Variants in CD69 observed in about 807,000 individuals in gnomAD.
CD69 encodes the protein CD69 molecule, also known as early activation antigen CD69.
Under a neutral mutation model 21.4 loss-of-function variants are expected in CD69, and 10 were observed. The observed-to-expected ratio is 0.47, with a 90% CI of 0.29 to 0.79. CD69 has a LOEUF of 0.79. Among genes scored for constraint, CD69 ranks in the 30% least tolerant of loss-of-function variants. CD69 has a pLI of 0.09. For synonymous variants in CD69, 63 were observed against 78.2 expected (o/e 0.81, Z 1.03); for missense variants, 204 against 236.9 (o/e 0.86, Z 0.91).
intron 3 of CD69, 156 bp downstream of exon 3, chr12:9,754,906 G>A: frequency 1.4e-6 from 1 of 710,208 alleles, no homozygotes. Context: ...TTGACCTCAG[G>A]CTGATCATAT....
chr12:9,756,636 G>C (rs1316724265), intron 1 of CD69, among the ~76,000 whole-genome samples: 4 of 152,086 alleles, frequency 2.6e-5, no homozygotes, highest in Non-Finnish European at 5.9e-5. Context: ...CAAGCATAAT[G>C]ATGAGATTAT....
intron 4 of CD69, 198 bp downstream of exon 4, chr12:9,754,389 A>G (rs757667099): frequency 1.1e-4 from 47 of 423,238 alleles, no homozygotes; most frequent in African/African-American, 1.8e-4. Context: ...TATTTTATGT[A>G]TTATAAGTGT....
intron 1 of CD69, among the ~76,000 whole-genome samples, chr12:9,760,472 T>A (rs1406747157): frequency 6.6e-6 from 1 of 152,150 alleles, no homozygotes; most frequent in Admixed American, 6.5e-5. Flanking sequence ...TTTAAAGATC[T>A]TCTGAAATTC....
In CD69 at chr12:9,760,763, G is replaced by T. The variant is rs1295809739; in HGVS notation, c.58C>A (p.Gln20Lys). 2 of 1,611,636 alleles carry T rather than the reference G, an allele frequency of 1.2e-6. No homozygotes were observed. The highest frequency in any genetic ancestry group is 1.7e-6 in the Non-Finnish European group (2 of 1,178,710). Residue 20 changes from glutamine (Q) to lysine (K), a missense_variant, in exon 1 of 5, where the codon CAA becomes AAA. Coordinates refer to ENST00000228434, the MANE Select transcript of CD69 (RefSeq NM_001781.2). Reference sequence around the variant, plus strand: ...GCAATCAGATCTGACTTACTTTCTTGTCCACTCTCCGGATGCAAAGAGCTG... The same window carrying T: ...GCAATCAGATCTGACTTACTTTCTTTTCCACTCTCCGGATGCAAAGAGCTG... ...ENSSLHPESG[Q>K]ENDATSPHFS...
At chr12:9,759,574 C>T (rs937755530) in intron 1 of CD69, among the ~76,000 whole-genome samples, 22 of 151,684 alleles carry the variant, frequency 1.5e-4, no homozygotes, top group Non-Finnish European at 3.2e-4. Context: ...AATTTGCATG[C>T]TTTGCATTTG....
intron 1 of CD69, among the ~76,000 whole-genome samples, chr12:9,760,491 G>A (rs539935183): frequency 6.6e-5 from 10 of 151,960 alleles, no homozygotes; most frequent in African/African-American, 9.7e-5. Context: ...TCATTTTTGC[G>A]GCTTTCTCTC....
intron 1 of CD69, among the ~76,000 whole-genome samples, 153 bp downstream of exon 1, chr12:9,760,604 A>G (rs1232467080): frequency 6.6e-6 from 1 of 152,170 alleles, no homozygotes; most frequent in Non-Finnish European, 1.5e-5. Flanking sequence ...CTTCCCTAAC[A>G]ACCATTAGAT....
chr12:9,756,350 A>G lies in CD69; in HGVS notation c.134T>C (p.Val45Ala), dbSNP rs914568918. ...AATGGTGATGAAGACCACATTCATT[A>G]CAGCACACAGGACAGGAACTTGGAA... Reference protein sequence around the residue: ...GSFQVPVLCAVMNVVFITILI... With the variant: ...GSFQVPVLCAAMNVVFITILI... The change falls in exon 2 of 5, where the codon GTA becomes GCA. Residue 45 changes from valine to alanine, a missense_variant. Val to Ala is a moderately conservative substitution (Grantham distance 64, BLOSUM62 0). Transcript: ENST00000228434. 3.1e-6 allele frequency: 5 copies of G among 1,613,584 alleles called. No homozygotes were observed. Among genetic ancestry groups the G allele is most frequent in the Admixed American group, 3.3e-5 (2 of 60,000 alleles).
At position 9,753,400 on chromosome 12, in the gene CD69, C is replaced by T. The variant is rs1368536189; in HGVS notation, c.*81G>A. 8 of 584,018 alleles carry T rather than the reference C, an allele frequency of 1.4e-5. No homozygotes were observed. Among genetic ancestry groups the T allele is most frequent in the East Asian group, 1.3e-4 (4 of 31,560 alleles). 36.2% of individuals were successfully genotyped at this position (584,018 alleles called of 1,614,324 possible). On this transcript the variant is annotated 3_prime_UTR_variant, in exon 5 of 5. Transcript: ENST00000228434. ...TTCACAAAGTCTCTATGGAAGACTT[C>T]GGACCACAGAGCAGCATCCACTGAC... is the stretch of plus-strand genomic sequence containing the variant.
chr12:9,752,742 A>G lies in CD69; in HGVS notation c.*739T>C, dbSNP rs777937696. 1 of 152,718 alleles carries G rather than the reference A, an allele frequency of 6.5e-6. No homozygotes were observed. Among genetic ancestry groups the G allele is most frequent in the South Asian group, 2.1e-4 (1 of 4,828 alleles). The allele number at this position is 152,718 out of a possible 1,614,324, so 9.5% of individuals were successfully genotyped here. On this transcript the variant is annotated 3_prime_UTR_variant, in exon 5 of 5. Transcript: ENST00000228434. ...ATTGCACATTTTCCAACACTATTCTATGTCTTGCAAATATTCCTCATAGTC... is the reference window on the plus strand; with the variant it reads ...ATTGCACATTTTCCAACACTATTCTGTGTCTTGCAAATATTCCTCATAGTC...
chr12:9,753,647 C>A, intron 4 of CD69, 58 bp from the exon 5 acceptor site: 1 of 779,722 alleles, frequency 1.3e-6, no homozygotes, highest in Non-Finnish European at 2.1e-6. Flanking sequence ...CATTCAGTTA[C>A]ATGAGAATGA....
chr12:9,756,190 GAATT>G lies in CD69; in HGVS notation c.187+103_187+106del, dbSNP rs2121099689. The G allele has an allele frequency of 3.0e-6, 3 of 999,390 alleles. No individual in the cohort carries two copies. The South Asian group carries it at 5.4e-5, about 18-fold the overall frequency. 61.9% of individuals were successfully genotyped at this position (999,390 alleles called of 1,614,324 possible). A position where few individuals can be genotyped will look rare whatever the true frequency, so the allele number is the denominator to read the frequency against. On this transcript the variant is annotated intron_variant, in intron 2 of 4. Transcript: ENST00000228434. ...CATATATGGTACATGGGATGATTCTGAATTAGCTAGTTTCTGATTAACTAGACTA... is the reference window on the plus strand; with the variant it reads ...CATATATGGTACATGGGATGATTCTGAGCTAGTTTCTGATTAACTAGACTA...
At chr12:9,754,991 G>GA in intron 3 of CD69, 71 bp downstream of exon 3, 1 of 1,263,440 alleles carries the variant, frequency 7.9e-7, no homozygotes, top group Non-Finnish European at 1.1e-6. Flanking sequence ...TCTCCACTTA[G>GA]AAACGGAAGG....
Position 9,753,609 on chromosome 12 carries a change from C to T in CD69, c.492-20G>A, listed in dbSNP as rs1316770069. On this transcript the variant is annotated intron_variant, in intron 4 of 4. Coordinates refer to ENST00000228434, the MANE Select transcript of CD69 (RefSeq NM_001781.2). ...TTGAACCTGTCAAACAATAAAAAAA[C>T]TTAGAATTATTTTCAGCTCATTGTT... 4 of 1,184,776 alleles carry T rather than the reference C, an allele frequency of 3.4e-6. No homozygotes were observed. Among genetic ancestry groups the T allele is most frequent in the Admixed American group, 4.0e-5 (2 of 50,366 alleles). The allele number at this position is 1,184,776 out of a possible 1,614,324, so 73.4% of individuals were successfully genotyped here.
At chr12:9,757,252 C>T (rs907108983) in intron 1 of CD69, among the ~76,000 whole-genome samples, 8 of 152,048 alleles carry the variant, frequency 5.3e-5, no homozygotes, top group South Asian at 2.1e-4. Context: ...AAATTTTAAA[C>T]GTGACAGTAT....
In CD69 at chr12:9,756,380, C is replaced by T; in HGVS notation, c.104G>A (p.Gly35Glu). Residue 35 changes from glycine (G) to glutamate (E), a missense_variant, in exon 2 of 5, where the codon GGG (glycine) becomes GAG (glutamate). By Grantham distance (98) the Gly-to-Glu change is moderately conservative (BLOSUM62 -2). Transcript: ENST00000228434. ...ACACAGGACAGGAACTTGGAAGGAC[C>T]CTTCATGACGTGTTGAGAAATGGGG... The part of the protein sequence containing the change: ...TSPHFSTRHE[G>E]SFQVPVLCAV... 1.9e-6 allele frequency: 3 copies of T among 1,613,566 alleles called. No individual in the cohort carries two copies. Among genetic ancestry groups the T allele is most frequent in the Non-Finnish European group, 2.5e-6 (3 of 1,179,680 alleles).
chr12:9,759,499 A>G (rs1866713285), intron 1 of CD69, among the ~76,000 whole-genome samples: 1 of 150,200 alleles, frequency 6.7e-6, no homozygotes, highest in Non-Finnish European at 1.5e-5. Flanking sequence ...TATTATTATT[A>G]TTATTATTAT....
chr12:9,754,553 C>G (rs1469382299), intron 4 of CD69, 34 bp downstream of exon 4: 3 of 1,203,754 alleles, frequency 2.5e-6, no homozygotes, highest in African/African-American at 1.5e-5. Flanking sequence ...GAGATGCCAC[C>G]CTGGGGAATA....
chr12:9,754,736 G>C (rs1487560612), intron 3 of CD69, 46 bp from the exon 4 acceptor site: 1 of 1,174,060 alleles, frequency 8.5e-7, no homozygotes, highest in Non-Finnish European at 1.3e-6. Context: ...CACCCTTCTG[G>C]GGAAGTAGAT....
Sources: gnomAD v4.1 joint callset for allele counts (sites outside exome capture counted in the v4.1 genomes callset) on GRCh38, gnomAD v4.1.1 for gene constraint, MANE v1.5 for transcripts, NCBI Gene and HGNC (gene_info 2026-07-23, HGNC 2026-07-21) for gene names.